The following PLEKHA5 variants were observed in gnomAD, a reference collection of about 807,000 sequenced individuals.
The protein encoded by PLEKHA5 is pleckstrin homology domain-containing family A member 5.
Under a neutral mutation model 181.9 loss-of-function variants are expected in PLEKHA5, and 55 were observed. The observed-to-expected ratio is 0.30, with a 90% CI of 0.24 to 0.38. The LOEUF (loss-of-function observed/expected upper bound fraction) is 0.38. PLEKHA5 is among the 10% of genes least tolerant of loss of function. The probability of loss-of-function intolerance (pLI) is 1.00; values close to 1 mark genes in which losing one functional copy is unlikely to be tolerated. For synonymous variants in PLEKHA5, 535 were observed against 529.4 expected (o/e 1.01, Z -0.15); for missense variants, 1,432 against 1,549.5 (o/e 0.92, Z 1.27).
chr12:19,189,208 C>G (rs976131535), intron 3 of PLEKHA5, among the ~76,000 whole-genome samples: 6 of 152,170 alleles, frequency 3.9e-5, no homozygotes, highest in Non-Finnish European at 8.8e-5. Context: ...ACCGGGGCCA[C>G]ACTGTGCAGG....
chr12:19,337,403 A>G (rs1309694328), intron 21 of PLEKHA5, among the ~76,000 whole-genome samples: 2 of 151,316 alleles, frequency 1.3e-5, no homozygotes, highest in African/African-American at 4.8e-5. Context: ...AAATACAAAA[A>G]TTAGGTGTAG....
At position 19,322,589 on chromosome 12, in the gene PLEKHA5, TCAGA is replaced by T; in HGVS notation, c.2374_2377del (p.Thr792TrpfsTer36). 1 of 1,613,934 alleles carries T rather than the reference TCAGA, an allele frequency of 6.2e-7. No homozygotes were observed. The highest frequency in any genetic ancestry group is 8.5e-7 in the Non-Finnish European group (1 of 1,179,798). ...TGCATGCAGATAACCCAGCAGCCAT[TCAGA>T]CAGTGGTGTTACAAAGGGATGATTT... On this transcript the variant is annotated frameshift_variant, in exon 20 of 32. Coordinates refer to ENST00000429027, the MANE Select transcript of PLEKHA5 (RefSeq NM_001256470.2). LOFTEE classifies it high-confidence loss of function.
At chr12:19,204,819 A>G (rs1001772630) in intron 3 of PLEKHA5, among the ~76,000 whole-genome samples, 1 of 152,152 alleles carries the variant, frequency 6.6e-6, no homozygotes, top group African/African-American at 2.4e-5. Flanking sequence ...AGAAGTTAAA[A>G]TACCACTGCA....
chr12:19,323,016 ATTTTTTTTTTT>A (rs538132540), intron 20 of PLEKHA5, among the ~76,000 whole-genome samples: 5 of 92,766 alleles, frequency 5.4e-5, no homozygotes, highest in South Asian at 4.3e-4. Context: ...ACCTGGCTAG[ATTTTTTTTTTT>A]TTTTTTTTTT....
intron 20 of PLEKHA5, among the ~76,000 whole-genome samples, chr12:19,331,997 G>C (rs12823817): frequency 0.076 from 11,605 of 152,068 alleles, 486 homozygotes; most frequent in African/African-American, 0.11. Context: ...CAGCCCAGGT[G>C]ACAGAGTAAG....
intron 20 of PLEKHA5, among the ~76,000 whole-genome samples, chr12:19,335,985 G>A (rs1164724084): frequency 6.6e-6 from 1 of 152,116 alleles, no homozygotes; most frequent in African/African-American, 2.4e-5. Context: ...CAAATGACAA[G>A]CTGTTAAAGA....
intron 21 of PLEKHA5, among the ~76,000 whole-genome samples, chr12:19,338,484 G>T (rs573931510): frequency 6.6e-6 from 1 of 151,988 alleles, no homozygotes; most frequent in Admixed American, 6.6e-5. Context: ...CTGGGCACTT[G>T]TGGTCCCAGC....
chr12:19,229,665 A>T (rs573003029), intron 3 of PLEKHA5, among the ~76,000 whole-genome samples: 2 of 152,186 alleles, frequency 1.3e-5, no homozygotes, highest in Non-Finnish European at 2.9e-5. Context: ...GAGCGAAAGA[A>T]CAAAGCTTCC....
chr12:19,292,282 T>C (rs2078650351), intron 15 of PLEKHA5, among the ~76,000 whole-genome samples: 1 of 152,200 alleles, frequency 6.6e-6, no homozygotes, highest in African/African-American at 2.4e-5. Context: ...AGTGAACGTC[T>C]GTAATCCCAG....
At chr12:19,143,413 TC>T (rs1374853198) in intron 3 of PLEKHA5, among the ~76,000 whole-genome samples, 1 of 152,202 alleles carries the variant, frequency 6.6e-6, no homozygotes, top group Non-Finnish European at 1.5e-5. Context: ...AGTGTTTTTT[TC>T]TTATAGAAGC....
chr12:19,188,924 C>T (rs1040629068), intron 3 of PLEKHA5, among the ~76,000 whole-genome samples: 5 of 152,170 alleles, frequency 3.3e-5, no homozygotes, highest in Admixed American at 3.3e-4. Context: ...TACACCAAGA[C>T]CTCTGGTAAC....
intron 16 of PLEKHA5, among the ~76,000 whole-genome samples, chr12:19,318,828 A>G (rs11044490): frequency 0.76 from 115,480 of 152,010 alleles, 46,590 homozygotes; most frequent in Non-Finnish European, 0.92. Flanking sequence ...GGCTGAGGCA[A>G]AAGAATCACT....
At chr12:19,363,390 G>A (rs560818271) in intron 29 of PLEKHA5, among the ~76,000 whole-genome samples, 5 of 150,678 alleles carry the variant, frequency 3.3e-5, no homozygotes, top group South Asian at 4.2e-4. Flanking sequence ...GGATGGTCTC[G>A]ATCTCCTGAC....
rs73343080 is a variant in PLEKHA5 at position 19,164,676 on chromosome 12, G to A, written c.227+32226G>A. 4.2e-3 allele frequency among the ~76,000 whole-genome samples: 643 copies of A among 152,062 alleles called. 8 individuals are homozygous for A. Among genetic ancestry groups the A allele is most frequent in the African/African-American group, 0.015 (618 of 41,472 alleles). On this transcript the variant is annotated intron_variant, in intron 3 of 31. Transcript: ENST00000429027. Reference sequence around the variant, plus strand: ...GAAGACAACTCAGTCTTGTCCCTTGGCTCATCTTCTACCTTAAATGCTGGT... The same window carrying A: ...GAAGACAACTCAGTCTTGTCCCTTGACTCATCTTCTACCTTAAATGCTGGT...
intron 15 of PLEKHA5, among the ~76,000 whole-genome samples, chr12:19,303,108 G>A (rs909502522): frequency 2.0e-5 from 3 of 151,424 alleles, no homozygotes; most frequent in African/African-American, 7.3e-5. Flanking sequence ...TTTTAGTAGA[G>A]ACGGGGTTTC....
chr12:19,194,278 T>C (rs1186062199), intron 3 of PLEKHA5, among the ~76,000 whole-genome samples: 1 of 152,186 alleles, frequency 6.6e-6, no homozygotes, highest in Non-Finnish European at 1.5e-5. Context: ...GAAATGATTT[T>C]ATTATTTTTT....
intron 29 of PLEKHA5, among the ~76,000 whole-genome samples, chr12:19,362,998 G>A (rs538512896): frequency 1.3e-5 from 2 of 151,450 alleles, no homozygotes; most frequent in Admixed American, 6.6e-5. Flanking sequence ...TGCTATCTGT[G>A]GGGGGGCCCT....
chr12:19,358,427 G>C lies in PLEKHA5; in HGVS notation c.3338G>C (p.Arg1113Thr), dbSNP rs144635446. The change falls in exon 27 of 32, where the codon AGG becomes ACG. Residue 1113 changes from arginine to threonine, a missense_variant. This residue lies in a region of PLEKHA5 where 1,143 missense variants were observed against 1,168.4 expected (regional missense o/e 0.98). Transcript: ENST00000429027. ...SPSNLRDNPF[R>T]TTQTRRRDDK... ...TCAAATTTAAGGGATAATCCATTTA[G>C]GACTACTCAGGTATATGAATTGCAT... 91 of 1,594,338 alleles carry C rather than the reference G, an allele frequency of 5.7e-5. No homozygotes were observed. The highest frequency in any genetic ancestry group is 7.4e-5 in the Non-Finnish European group (86 of 1,162,396).
chr12:19,270,837 G>T (rs2072495588), intron 10 of PLEKHA5, among the ~76,000 whole-genome samples: 1 of 151,938 alleles, frequency 6.6e-6, no homozygotes, highest in Non-Finnish European at 1.5e-5. Context: ...GGAAATTAGG[G>T]ATTGTTACAG....
Sources: gnomAD v4.1 joint callset for allele counts (sites outside exome capture counted in the v4.1 genomes callset) on GRCh38, gnomAD v4.1.1 for gene constraint, gnomAD v4.1.1 regional missense constraint, MANE v1.5 for transcripts, NCBI Gene and HGNC (gene_info 2026-07-23, HGNC 2026-07-21) for gene names.